The following NOX4 variants were observed in gnomAD, a reference collection of about 807,000 sequenced individuals.
NOX4 encodes the protein kidney oxidase-1.
NOX4 carries 69 observed loss-of-function variants against 87.6 expected under a neutral mutation model. The ratio of observed to expected loss-of-function variants is 0.79; its 90% CI spans 0.65 to 0.96. The LOEUF is 0.96. NOX4 is among the 40% of genes least tolerant of loss of function. The pLI is 0.00. For missense variants in NOX4, 680 were observed against 681.5 expected, an observed-to-expected ratio of 1.00 and a Z score of 0.02; for synonymous variants, 275 against 238.2, an observed-to-expected ratio of 1.15 and a Z score of -1.42.
chr11:89,393,465 C>G (rs533607283), intron 11 of NOX4, among the ~76,000 whole-genome samples: 2 of 152,060 alleles, frequency 1.3e-5, no homozygotes, highest in Admixed American at 6.6e-5. Flanking sequence ...CTTTCACCCA[C>G]ACGACAGATT....
intron 17 of NOX4, among the ~76,000 whole-genome samples, chr11:89,327,090 A>T (rs1384551208): frequency 6.6e-6 from 1 of 152,226 alleles, no homozygotes; most frequent in African/African-American, 2.4e-5. Context: ...ATTTAGGATA[A>T]TTCAAAGAAT....
intron 6 of NOX4, among the ~76,000 whole-genome samples, chr11:89,438,478 A>G (rs1357550241): frequency 9.7e-5 from 8 of 82,340 alleles, no homozygotes; most frequent in African/African-American, 6.6e-5. Context: ...ATTATATACT[A>G]TATATACTAT....
intron 8 of NOX4, among the ~76,000 whole-genome samples, chr11:89,406,684 T>C (rs942755191): frequency 6.6e-5 from 10 of 152,108 alleles, no homozygotes; most frequent in African/African-American, 1.9e-4. Context: ...GAAAAGTGGC[T>C]ATTGAGCAAT....
At chr11:89,343,402 G>A (rs1946085241) in intron 13 of NOX4, among the ~76,000 whole-genome samples, 1 of 152,084 alleles carries the variant, frequency 6.6e-6, no homozygotes, top group Non-Finnish European at 1.5e-5. Context: ...GTATGAGCTG[G>A]GAAATGTAGG....
chr11:89,362,183 C>G (rs1321012233), intron 12 of NOX4, among the ~76,000 whole-genome samples: 10 of 151,962 alleles, frequency 6.6e-5, no homozygotes, highest in African/African-American at 2.4e-4. Flanking sequence ...GACACACACA[C>G]ACACACACAC....
At chr11:89,331,956 T>A (rs1945494378) in intron 17 of NOX4, among the ~76,000 whole-genome samples, 1 of 151,750 alleles carries the variant, frequency 6.6e-6, no homozygotes, top group African/African-American at 2.4e-5. Context: ...TTGCAATTCA[T>A]TTGTACTAAA....
At chr11:89,371,294 T>G (rs1196070007) in intron 12 of NOX4, among the ~76,000 whole-genome samples, 4 of 151,944 alleles carry the variant, frequency 2.6e-5, no homozygotes, top group Admixed American at 2.0e-4. Context: ...ACAAAGAAGG[T>G]CTATTAATTG....
intron 12 of NOX4, among the ~76,000 whole-genome samples, chr11:89,356,447 GA>G (rs1938064564): frequency 6.6e-6 from 1 of 151,498 alleles, no homozygotes; most frequent in Non-Finnish European, 1.5e-5. Flanking sequence ...AAGGACAAAG[GA>G]AAAAATCCTA....
At chr11:89,481,151 G>A (rs751562358) in intron 2 of NOX4, among the ~76,000 whole-genome samples, 4 of 151,628 alleles carry the variant, frequency 2.6e-5, no homozygotes, top group African/African-American at 9.7e-5. Flanking sequence ...TAGATCAAAG[G>A]GTAAATCTCT....
At chr11:89,485,807 T>C (rs1946567348) in intron 2 of NOX4, among the ~76,000 whole-genome samples, 1 of 152,142 alleles carries the variant, frequency 6.6e-6, no homozygotes, top group Non-Finnish European at 1.5e-5. Context: ...TGTTTCGGTG[T>C]TCATTTTGGC....
chr11:89,462,524 G>A (rs1329200315), intron 2 of NOX4, among the ~76,000 whole-genome samples: 4 of 152,002 alleles, frequency 2.6e-5, no homozygotes, highest in East Asian at 3.9e-4. Context: ...ACTGACCAAC[G>A]GAGCAAAACA....
At chr11:89,414,244 T>C (rs1289536310) in intron 8 of NOX4, among the ~76,000 whole-genome samples, 2 of 152,006 alleles carry the variant, frequency 1.3e-5, no homozygotes, top group South Asian at 4.1e-4. Context: ...AATTCACAAA[T>C]TGCATGCTTA....
At chr11:89,484,762 C>T (rs1241996550) in intron 2 of NOX4, among the ~76,000 whole-genome samples, 1 of 152,094 alleles carries the variant, frequency 6.6e-6, no homozygotes, top group Admixed American at 6.6e-5. Flanking sequence ...TAACCCATTT[C>T]ACCCATCAAT....
intron 11 of NOX4, among the ~76,000 whole-genome samples, chr11:89,386,153 C>A (rs1199466853): frequency 6.6e-6 from 1 of 152,166 alleles, no homozygotes; most frequent in Non-Finnish European, 1.5e-5. Context: ...CCTCAGGATG[C>A]TACAGGGTAT....
intron 13 of NOX4, among the ~76,000 whole-genome samples, chr11:89,351,714 A>T (rs1197236812): frequency 6.6e-6 from 1 of 152,190 alleles, no homozygotes; most frequent in East Asian, 1.9e-4. Flanking sequence ...ACGAAAACAC[A>T]TCTGTTTATA....
chr11:89,450,068 G>C (rs754479770), intron 3 of NOX4, among the ~76,000 whole-genome samples: 3 of 152,126 alleles, frequency 2.0e-5, no homozygotes, highest in Non-Finnish European at 2.9e-5. Flanking sequence ...CTGAATCACT[G>C]TTTCACACTC....
At chr11:89,553,403 G>GT in the NOX4 span, among the ~76,000 whole-genome samples, 2 of 152,162 alleles carry the variant, frequency 1.3e-5, no homozygotes, top group South Asian at 2.1e-4. Context: ...TGCTATTATC[G>GT]TAAGTTTCCT....
chr11:89,463,814 A>G (rs1945568498), intron 2 of NOX4, among the ~76,000 whole-genome samples: 1 of 152,026 alleles, frequency 6.6e-6, no homozygotes, highest in Non-Finnish European at 1.5e-5. Context: ...GACTATCTAA[A>G]AAAGATTAAA....
At chr11:89,374,505 T>G (rs1591054782) in intron 11 of NOX4, among the ~76,000 whole-genome samples, 1 of 152,162 alleles carries the variant, frequency 6.6e-6, no homozygotes, top group South Asian at 2.1e-4. Flanking sequence ...ACGGGAAGTG[T>G]TAAGTGATTT....
Sources: allele counts gnomAD v4.1 joint callset (sites outside exome capture counted in the v4.1 genomes callset), GRCh38; gene constraint gnomAD v4.1.1; transcripts MANE v1.5; gene names NCBI Gene and HGNC (gene_info 2026-07-23, HGNC 2026-07-21).